KIF24: variants seen among roughly 807,000 people sequenced by gnomAD.
KIF24 encodes the protein kinesin-like protein KIF24.
Under a neutral mutation model 118.9 loss-of-function variants are expected in KIF24, and 81 were observed. The observed-to-expected ratio is 0.68, with a 90% CI of 0.57 to 0.82. The LOEUF (loss-of-function observed/expected upper bound fraction) is 0.82. Among genes scored for constraint, KIF24 ranks in the 40% least tolerant of loss-of-function variants. The probability of loss-of-function intolerance (pLI) is 0.00; values close to 1 mark genes in which losing one functional copy is unlikely to be tolerated. For synonymous variants in KIF24, 599 were observed against 610.0 expected, an observed-to-expected ratio of 0.98 and a Z score of 0.27; for missense variants, 1,560 against 1,661.6, an observed-to-expected ratio of 0.94 and a Z score of 1.06.
chr9:34,322,937 A>G (rs760622141), intron 1 of KIF24, among the ~76,000 whole-genome samples: 3 of 152,226 alleles, frequency 2.0e-5, no homozygotes, highest in African/African-American at 4.8e-5. Context: ...TCTGTACCCC[A>G]TATTAGGCAT....
At chr9:34,258,606 T>G (rs1268002241) in intron 10 of KIF24, among the ~76,000 whole-genome samples, 1 of 152,210 alleles carries the variant, frequency 6.6e-6, no homozygotes, top group African/African-American at 2.4e-5. Context: ...GTCTCAGAAG[T>G]GCACTGTGTT....
At chr9:34,268,552 G>A (rs1190431463) in intron 8 of KIF24, among the ~76,000 whole-genome samples, 1 of 141,020 alleles carries the variant, frequency 7.1e-6, no homozygotes, top group African/African-American at 2.7e-5. Flanking sequence ...CTGTCACCCA[G>A]GCTGGGGTGC....
chr9:34,322,762 C>A (rs534556210), intron 1 of KIF24, among the ~76,000 whole-genome samples: 2 of 151,974 alleles, frequency 1.3e-5, no homozygotes, highest in African/African-American at 4.8e-5. Context: ...GCTGATATTG[C>A]GGGGTACTGC....
chr9:34,268,415 A>G (rs1379858512), intron 8 of KIF24, among the ~76,000 whole-genome samples: 2 of 151,706 alleles, frequency 1.3e-5, no homozygotes, highest in Non-Finnish European at 2.9e-5. Context: ...CTCGGCCTCC[A>G]AAAGTGTTGG....
In KIF24 at chr9:34,290,323, A is replaced by T; in HGVS notation, c.978T>A (p.Thr326=). The T allele has an allele frequency of 6.2e-7, 1 of 1,613,958 alleles. No homozygotes were observed. The highest frequency in any genetic ancestry group is 1.3e-5 in the African/African-American group (1 of 75,068). ...GAGCATACAATCCTGGGTTCTCATG[A>T]GTTCCTATCATGGTGTAGGTCTTTC... ...GAGKTYTMIG[T]HENPGLYALA... Residue 326 remains threonine, a synonymous_variant, in exon 5 of 13, where the codon ACT becomes ACA. Coordinates refer to ENST00000402558, the MANE Select transcript of KIF24 (RefSeq NM_194313.4).
chr9:34,292,002 C>T (rs1039742525), intron 4 of KIF24, among the ~76,000 whole-genome samples: 2 of 152,160 alleles, frequency 1.3e-5, no homozygotes, highest in African/African-American at 4.8e-5. Context: ...TGGTCTTCAC[C>T]TTAAAACAGT....
rs374423056 is a variant in KIF24 at position 34,257,428 on chromosome 9, C to T, written c.2179G>A (p.Ala727Thr). ...VSRVELSFGN[A>T]HHRAEYSQDS... The stretch of plus-strand genomic sequence containing the variant: ...TGACTGTACTCAGCCCTGTGGTGGG[C>T]GTTGCCAAAGGAGAGCTCAACTCGA... Residue 727 changes from alanine to threonine, a missense_variant, in exon 11 of 13, where the codon GCC (alanine) becomes ACC (threonine). Ala to Thr is a moderately conservative substitution (Grantham distance 58). This residue lies in a region of KIF24 where 964 missense variants were observed against 988.0 expected (regional missense o/e 0.98). Transcript: ENST00000402558. 1.7e-5 allele frequency: 27 copies of T among 1,613,898 alleles called. No homozygotes were observed. Among genetic ancestry groups the T allele is most frequent in the Admixed American group, 8.3e-5 (5 of 59,998 alleles).
In KIF24 at chr9:34,318,636, TGG is replaced by T; in HGVS notation, c.-25-7267_-25-7266del. On this transcript the variant is annotated intron_variant, in intron 1 of 12. Coordinates refer to ENST00000402558, the MANE Select transcript of KIF24 (RefSeq NM_194313.4). The surrounding 1 kb of genome is among the most constrained non-coding windows in gnomAD (Gnocchi z 4.9). ...TCGCCCGTGGTGGTGGCCTCGTCGT[TGG>T]GGCTCGTGTCGCTGGGCGGCAAGGC... The T allele has an allele frequency of 6.5e-7, 1 of 1,534,528 alleles. No individual in the cohort carries two copies. Among genetic ancestry groups the T allele is most frequent in the Non-Finnish European group, 8.9e-7 (1 of 1,127,634 alleles).
At chr9:34,285,472 T>G (rs989786886) in intron 6 of KIF24, among the ~76,000 whole-genome samples, 3 of 151,336 alleles carry the variant, frequency 2.0e-5, no homozygotes, top group African/African-American at 7.3e-5. Flanking sequence ...TACAAAAAAT[T>G]TTTAAAAATT....
intron 1 of KIF24, among the ~76,000 whole-genome samples, chr9:34,321,225 G>C (rs192551913): frequency 9.0e-4 from 136 of 151,900 alleles, no homozygotes; most frequent in Non-Finnish European, 1.6e-3. Context: ...TGTTAAATAA[G>C]ATTTTTATTT....
At chr9:34,319,182 T>C in intron 1 of KIF24, 2 of 1,605,220 alleles carry the variant, frequency 1.2e-6, no homozygotes, top group Non-Finnish European at 1.7e-6. Flanking sequence ...GAGATGCCCC[T>C]GGCCCACAAG....
At chr9:34,269,565 G>A (rs1012682261) in intron 7 of KIF24, among the ~76,000 whole-genome samples, 9 of 152,004 alleles carry the variant, frequency 5.9e-5, no homozygotes, top group African/African-American at 1.9e-4. Flanking sequence ...GACTACAGGC[G>A]CCCGCCACCA....
chr9:34,303,044 G>A (rs1465890107), intron 3 of KIF24, among the ~76,000 whole-genome samples: 1 of 152,016 alleles, frequency 6.6e-6, no homozygotes, highest in African/African-American at 2.4e-5. Context: ...AAAGTGCTGG[G>A]ATTACAGGCG....
In KIF24 at chr9:34,318,600, A is replaced by C; in HGVS notation, c.-25-7229T>G. The C allele has an allele frequency of 1.4e-6, 2 of 1,445,730 alleles. No homozygotes were observed. The highest frequency in any genetic ancestry group is 2.3e-4 in the Middle Eastern group (1 of 4,294). The allele number at this position is 1,445,730 out of a possible 1,614,324, so 89.6% of individuals were successfully genotyped here. A position where few individuals can be genotyped will look rare whatever the true frequency, so the allele number is the denominator to read the frequency against. ...ATGGCCAAGGACCAGGCGGTGGAGA[A>C]CATCCTGGTGTCGCCCGTGGTGGTG... On this transcript the variant is annotated intron_variant, in intron 1 of 12. Coordinates refer to ENST00000402558, the MANE Select transcript of KIF24 (RefSeq NM_194313.4). The surrounding 1 kb of genome is among the most constrained non-coding windows in gnomAD (Gnocchi z 4.9).
In KIF24 at chr9:34,306,369, G is replaced by C. The variant is rs1836918303; in HGVS notation, c.696C>G (p.Pro232=). The change falls in exon 3 of 13, where the codon CCC becomes CCG. Residue 232 remains proline, a synonymous_variant. Coordinates refer to ENST00000402558, the MANE Select transcript of KIF24 (RefSeq NM_194313.4). The part of the protein sequence containing the change: ...EKIRVCVRKR[P]LGMREVRRGE... ...CACGACGTACCTCCCTCATGCCCAG[G>C]GGGCGTTTTCGAACACAAACTCTGA... 2 of 1,612,472 alleles carry C rather than the reference G, an allele frequency of 1.2e-6. No individual in the cohort carries two copies. Among genetic ancestry groups the C allele is most frequent in the East Asian group, 4.5e-5 (2 of 44,878 alleles).
intron 8 of KIF24, among the ~76,000 whole-genome samples, chr9:34,265,733 C>T: frequency 6.6e-6 from 1 of 151,796 alleles, no homozygotes; most frequent in East Asian, 1.9e-4. Flanking sequence ...TTTTGAAATA[C>T]ATATATATTA....
At chr9:34,265,615 CATA>C (rs1484264097) in intron 8 of KIF24, among the ~76,000 whole-genome samples, 2 of 152,142 alleles carry the variant, frequency 1.3e-5, no homozygotes, top group South Asian at 4.2e-4. Context: ...GATTTGACAG[CATA>C]ATATTATGAC....
chr9:34,282,453 G>A (rs1008875205), intron 6 of KIF24: 1 of 151,940 alleles, frequency 6.6e-6, no homozygotes, highest in African/African-American at 2.4e-5. Context: ...GACAATGGTT[G>A]CATAACTTCA....
At chr9:34,310,029 T>C (rs548542926) in intron 2 of KIF24, among the ~76,000 whole-genome samples, 97 of 151,962 alleles carry the variant, frequency 6.4e-4, no homozygotes, top group Admixed American at 1.6e-3. Flanking sequence ...TTGTTAGTAC[T>C]AGGGATTACT....
Sources: gnomAD v4.1 joint callset for allele counts (sites outside exome capture counted in the v4.1 genomes callset) on GRCh38, gnomAD v4.1.1 for gene constraint, gnomAD v4.1.1 regional missense constraint, Gnocchi (gnomAD v3.1) non-coding constraint, MANE v1.5 for transcripts, NCBI Gene and HGNC (gene_info 2026-07-23, HGNC 2026-07-21) for gene names.